The following C12orf42 variants were observed in gnomAD, a reference collection of about 807,000 sequenced individuals.
C12orf42 encodes the protein uncharacterized protein C12orf42.
Under a neutral mutation model 21.6 loss-of-function variants are expected in C12orf42, and 25 were observed. That is an observed-to-expected ratio of 1.16 (90% confidence interval 0.84 to 1.62). The LOEUF is 1.62. C12orf42 is among the 40% of genes most tolerant of loss of function. C12orf42 has a pLI of 0.00. For synonymous variants in C12orf42, 174 were observed against 175.0 expected (o/e 0.99, Z 0.05); for missense variants, 483 against 459.3 (o/e 1.05, Z -0.47).
chr12:103,388,970 G>A (rs923771010), intron 3 of C12orf42, among the ~76,000 whole-genome samples: 3 of 152,228 alleles, frequency 2.0e-5, no homozygotes, highest in African/African-American at 7.2e-5. Flanking sequence ...GGTATGGGCT[G>A]TGCTTGCTTT....
At chr12:103,551,133 A>T in the C12orf42 span, among the ~76,000 whole-genome samples, 3 of 152,134 alleles carry the variant, frequency 2.0e-5, no homozygotes, top group African/African-American at 7.2e-5. Context: ...TCTTCTAAGT[A>T]TTTAGAAATC....
chr12:103,447,816 C>T (rs147504958), intron 2 of C12orf42, among the ~76,000 whole-genome samples: 152 of 152,140 alleles, frequency 1.0e-3, no homozygotes, highest in African/African-American at 3.5e-3. Flanking sequence ...AATGGGAGCA[C>T]ATCCCATGCT....
intron 3 of C12orf42, among the ~76,000 whole-genome samples, chr12:103,395,726 C>T (rs2047472898): frequency 6.6e-6 from 1 of 152,020 alleles, no homozygotes; most frequent in African/African-American, 2.4e-5. Flanking sequence ...AAAGGATAAT[C>T]ATTTATAATT....
chr12:103,359,250 G>A (rs949493447), intron 4 of C12orf42, among the ~76,000 whole-genome samples: 2 of 151,804 alleles, frequency 1.3e-5, no homozygotes, highest in Non-Finnish European at 2.9e-5. Flanking sequence ...TAAAGATCTG[G>A]TTCATTGAAG....
chr12:103,061,103 G>T, the C12orf42 span, among the ~76,000 whole-genome samples: 3 of 152,136 alleles, frequency 2.0e-5, no homozygotes, highest in Admixed American at 1.3e-4. Flanking sequence ...GTTCCTCTCA[G>T]GTGGGATTGG....
At chr12:103,176,534 A>AT in the C12orf42 span, among the ~76,000 whole-genome samples, 13 of 152,224 alleles carry the variant, frequency 8.5e-5, no homozygotes, top group Non-Finnish European at 1.3e-4. Context: ...CCAATTTCTA[A>AT]TTTTCTGGTC....
chr12:103,221,009 A>T, the C12orf42 span, among the ~76,000 whole-genome samples: 1 of 152,230 alleles, frequency 6.6e-6, no homozygotes, highest in African/African-American at 2.4e-5. Flanking sequence ...GTCAGCCAGG[A>T]TTAACCTGCT....
At chr12:103,356,210 C>T (rs1275061351) in intron 4 of C12orf42, among the ~76,000 whole-genome samples, 1 of 152,104 alleles carries the variant, frequency 6.6e-6, no homozygotes, top group Non-Finnish European at 1.5e-5. Flanking sequence ...TTGATCATCT[C>T]ATCCACTCTC....
chr12:103,326,293 G>T (rs1449269156), intron 4 of C12orf42, among the ~76,000 whole-genome samples: 2 of 152,150 alleles, frequency 1.3e-5, no homozygotes, highest in African/African-American at 4.8e-5. Context: ...GCTTGTCAAA[G>T]ATAAAAGCCA....
the C12orf42 span, among the ~76,000 whole-genome samples, chr12:103,072,959 A>G: frequency 1.3e-5 from 2 of 152,324 alleles, no homozygotes; most frequent in South Asian, 4.1e-4. Flanking sequence ...TGGATAATAA[A>G]CACGTGGTAC....
chr12:103,386,776 C>T (rs551068041), intron 3 of C12orf42, among the ~76,000 whole-genome samples: 6 of 152,178 alleles, frequency 3.9e-5, no homozygotes, highest in African/African-American at 1.4e-4. Flanking sequence ...ATATGCATGT[C>T]GGACTGTTGA....
chr12:103,489,956 C>T (rs1184001300), intron 1 of C12orf42, among the ~76,000 whole-genome samples: 1 of 152,212 alleles, frequency 6.6e-6, no homozygotes, highest in African/African-American at 2.4e-5. Flanking sequence ...ATGGGCTGCA[C>T]CCACTGTCCA....
the C12orf42 span, among the ~76,000 whole-genome samples, chr12:103,123,180 A>T: frequency 1.3e-5 from 2 of 152,194 alleles, no homozygotes; most frequent in African/African-American, 4.8e-5. Flanking sequence ...TGGGCTTAGC[A>T]CCTGCCTTGC....
At chr12:103,345,940 G>T (rs2042584552) in intron 4 of C12orf42, among the ~76,000 whole-genome samples, 1 of 152,148 alleles carries the variant, frequency 6.6e-6, no homozygotes, top group African/African-American at 2.4e-5. Flanking sequence ...TCAAAGCAAT[G>T]ATAAGTGCAC....
the C12orf42 span, chr12:103,167,920 CTGTG>C: frequency 2.2e-5 from 7 of 313,332 alleles, no homozygotes; most frequent in Admixed American, 7.2e-5. Context: ...GTGTTTGTGT[CTGTG>C]TGTGTGTGTG....
At chr12:103,097,974 A>AG in the C12orf42 span, among the ~76,000 whole-genome samples, 57 of 152,340 alleles carry the variant, frequency 3.7e-4, no homozygotes, top group African/African-American at 1.3e-3. Flanking sequence ...GTGGTCATAC[A>AG]GGTGAAGAGC....
chr12:103,115,090 T>A, the C12orf42 span, among the ~76,000 whole-genome samples: 8 of 152,240 alleles, frequency 5.3e-5, no homozygotes, highest in Non-Finnish European at 1.5e-5. Flanking sequence ...TTCTGGCTGG[T>A]CACACATCAT....
the C12orf42 span, among the ~76,000 whole-genome samples, chr12:103,227,776 C>T: frequency 5.5e-4 from 84 of 152,284 alleles, no homozygotes; most frequent in African/African-American, 1.8e-3. Flanking sequence ...GGAAGCCTGC[C>T]TTCCCAGTCC....
chr12:103,417,041 A>G (rs1475410102), intron 2 of C12orf42, among the ~76,000 whole-genome samples: 1 of 152,216 alleles, frequency 6.6e-6, no homozygotes, highest in African/African-American at 2.4e-5. Context: ...AATAAAAGCT[A>G]TCTGAATGTA....
Sources: allele counts gnomAD v4.1 joint callset (sites outside exome capture counted in the v4.1 genomes callset), GRCh38; gene constraint gnomAD v4.1.1; transcripts MANE v1.5; gene names NCBI Gene and HGNC (gene_info 2026-07-23, HGNC 2026-07-21).